Variants in CA5B observed in about 807,000 individuals in gnomAD.
CA5B encodes the protein carbonic anhydrase 5B.
In CA5B, 15 loss-of-function variants were observed where a neutral mutation model predicts 23.1. The ratio of observed to expected loss-of-function variants is 0.65; its 90% CI spans 0.43 to 1.00. The LOEUF (loss-of-function observed/expected upper bound fraction) is 1.00, where lower values mean the gene tolerates loss of function less well. Among genes scored for constraint, CA5B ranks in the 50% least tolerant of loss-of-function variants. The probability of loss-of-function intolerance (pLI) is 0.00; values close to 1 mark genes in which losing one functional copy is unlikely to be tolerated. For synonymous variants in CA5B, 84 were observed against 98.5 expected, an observed-to-expected ratio of 0.85 and a Z score of 0.87; for missense variants, 236 against 252.2, an observed-to-expected ratio of 0.94 and a Z score of 0.43.
chrX:15,748,212 C>A (rs1931277475), intron 1 of CA5B, among the ~76,000 whole-genome samples: 1 of 112,201 alleles, frequency 8.9e-6, no homozygotes, highest in Non-Finnish European at 1.9e-5. Context: ...TTGGAACATG[C>A]CTAGTCCTAT....
rs955656862 is a variant in CA5B at position 15,738,415 on chromosome X, G to C, written c.-54+63G>C. The stretch of plus-strand genomic sequence containing the variant: ...GGGACAGGCCGATCCAGACAGGGCC[G>C]TGATTCTTCCCACGACTCTCCGCTC... On this transcript the variant is annotated intron_variant, in intron 1 of 7. Transcript: ENST00000318636. 5 of 111,604 alleles carry C rather than the reference G, an allele frequency of 4.5e-5. No homozygotes were observed. In the Admixed American group the frequency reaches 4.7e-4, roughly 11 times the overall value. The allele number at this position is 111,604 out of a possible 1,213,427, so 9.2% of individuals were successfully genotyped here.
intron 2 of CA5B, among the ~76,000 whole-genome samples, chrX:15,752,503 A>T (rs953681806): frequency 1.4e-4 from 15 of 109,643 alleles, no homozygotes; most frequent in African/African-American, 5.0e-4. Flanking sequence ...AGGCGGGCGG[A>T]TCACAAGGTC....
chrX:15,747,454 G>T (rs1342099415), intron 1 of CA5B, among the ~76,000 whole-genome samples: 1 of 109,565 alleles, frequency 9.1e-6, no homozygotes, highest in African/African-American at 3.3e-5. Flanking sequence ...ATACAATGAG[G>T]GATAAGTTGA....
intron 2 of CA5B, among the ~76,000 whole-genome samples, chrX:15,754,089 A>G (rs767101614): frequency 1.8e-5 from 2 of 111,377 alleles, no homozygotes; most frequent in Non-Finnish European, 3.8e-5. Context: ...TTGTGCCTAA[A>G]CTCTAAAGGG....
chrX:15,767,380 T>G (rs868524424), intron 3 of CA5B, among the ~76,000 whole-genome samples: 6 of 111,410 alleles, frequency 5.4e-5, no homozygotes, highest in Middle Eastern at 9.1e-3. Flanking sequence ...TCCTCTCTTT[T>G]TCTTTTGAAC....
chrX:15,775,494 T>C (rs932068814), intron 6 of CA5B, 186 bp downstream of exon 6: 125 of 970,390 alleles, frequency 1.3e-4, no homozygotes, highest in Non-Finnish European at 1.4e-4. Context: ...GCAGTGAGCT[T>C]TCTGGTTTTG....
chrX:15,772,295 G>C (rs368585500), intron 3 of CA5B, among the ~76,000 whole-genome samples: 1 of 112,439 alleles, frequency 8.9e-6, no homozygotes, highest in East Asian at 2.8e-4. Flanking sequence ...TTGTTATGTA[G>C]TTAAATCTTG....
chrX:15,761,725 G>A (rs1461659823), intron 2 of CA5B, among the ~76,000 whole-genome samples: 1 of 110,882 alleles, frequency 9.0e-6, no homozygotes, highest in Non-Finnish European at 1.9e-5. Flanking sequence ...TCTTGTCGGG[G>A]GGAGCCCATC....
At chrX:15,753,454 G>C (rs1931420925) in intron 2 of CA5B, among the ~76,000 whole-genome samples, 1 of 112,212 alleles carries the variant, frequency 8.9e-6, no homozygotes, top group Non-Finnish European at 1.9e-5. Flanking sequence ...AGGCTTCAGA[G>C]AGATTAGATG....
At chrX:15,770,464 G>A (rs1931795980) in intron 3 of CA5B, among the ~76,000 whole-genome samples, 1 of 108,922 alleles carries the variant, frequency 9.2e-6, no homozygotes, top group South Asian at 3.9e-4. Context: ...CTTTTTTTCT[G>A]TAGAGACTGG....
In CA5B at chrX:15,785,978, C is replaced by G. The variant is rs1932109345; in HGVS notation, c.*3314C>G. 9.0e-6 allele frequency: 1 copy of G among 111,715 alleles called. No individual in the cohort carries two copies. The highest frequency in any genetic ancestry group is 9.5e-5 in the Admixed American group (1 of 10,498). 9.2% of individuals were successfully genotyped at this position (111,715 alleles called of 1,213,427 possible). A position where few individuals can be genotyped will look rare whatever the true frequency, so the allele number is the denominator to read the frequency against. On this transcript the variant is annotated 3_prime_UTR_variant, in exon 8 of 8. Transcript: ENST00000318636. ...CTCCGCCTCCCGGGTTCACGCCATTCTCCTGCCTCAGCCTCCTGAGTAGCT... is the reference window on the plus strand; with the variant it reads ...CTCCGCCTCCCGGGTTCACGCCATTGTCCTGCCTCAGCCTCCTGAGTAGCT...
At chrX:15,778,285 A>T (rs190151002) in intron 7 of CA5B, among the ~76,000 whole-genome samples, 6 of 112,171 alleles carry the variant, frequency 5.3e-5, no homozygotes, top group Admixed American at 3.8e-4. Context: ...ATGACAACCT[A>T]AGTTGTCATT....
chrX:15,765,560 A>G (rs1049945946), intron 3 of CA5B, among the ~76,000 whole-genome samples: 1 of 110,652 alleles, frequency 9.0e-6, no homozygotes, highest in African/African-American at 3.3e-5. Context: ...CAAAATAATT[A>G]TTATTTGGAA....
intron 2 of CA5B, among the ~76,000 whole-genome samples, chrX:15,759,651 A>G (rs137912981): frequency 0.021 from 2,339 of 109,890 alleles, 30 homozygotes; most frequent in Non-Finnish European, 0.032. Context: ...GACTACTCAT[A>G]TAAACAACTA....
Position 15,782,713 on chromosome X carries a change from C to T in CA5B, c.*49C>T, listed in dbSNP as rs1006450410. 5.2e-6 allele frequency: 5 copies of T among 955,268 alleles called. No homozygotes were observed. The Admixed American group carries it at 1.3e-4, about 24-fold the overall frequency. 78.7% of individuals were successfully genotyped at this position (955,268 alleles called of 1,213,427 possible). A position where few individuals can be genotyped will look rare whatever the true frequency, so the allele number is the denominator to read the frequency against. ...TTGCTTTTGCTTTAATATATACTAG[C>T]TTACTATAAATTGTTAACTAGACTA... is the stretch of plus-strand genomic sequence containing the variant. On this transcript the variant is annotated 3_prime_UTR_variant, in exon 8 of 8. Transcript: ENST00000318636.
At position 15,764,671 on chromosome X, in the gene CA5B, G is replaced by T; in HGVS notation, c.236G>T (p.Gly79Val). The T allele has an allele frequency of 2.5e-6, 3 of 1,201,298 alleles. No individual in the cohort carries two copies. Among genetic ancestry groups the T allele is most frequent in the Non-Finnish European group, 3.4e-6 (3 of 888,785 alleles). Residue 79 changes from glycine to valine, a missense_variant, in exon 3 of 8, where the codon GGC (glycine) becomes GTC (valine). This residue lies in a region of CA5B where 12 missense variants were observed against 43.6 expected (regional missense o/e 0.28). Coordinates refer to ENST00000318636, the MANE Select transcript of CA5B (RefSeq NM_007220.4). The stretch of plus-strand genomic sequence containing the variant: ...TGGAGGGACAGTGTTTATGATCCCG[G>T]CTTAAAACCACTGACCATCTCTTAT... ...IRWRDSVYDPGLKPLTISYDP... is the reference protein window; with the variant it reads ...IRWRDSVYDPVLKPLTISYDP...
chrX:15,752,365 T>C (rs1257664518), intron 2 of CA5B, among the ~76,000 whole-genome samples: 4 of 111,902 alleles, frequency 3.6e-5, no homozygotes, highest in Non-Finnish European at 7.5e-5. Flanking sequence ...CCCCAAAACA[T>C]GTTTCTTTGC....
At chrX:15,770,286 C>T (rs936039857) in intron 3 of CA5B, among the ~76,000 whole-genome samples, 1 of 110,117 alleles carries the variant, frequency 9.1e-6, no homozygotes, top group African/African-American at 3.3e-5. Flanking sequence ...TGCATTCCAG[C>T]CTGGGCAACA....
rs749984209 is a variant in CA5B at position 15,776,743 on chromosome X, CCCTT to C, written c.652_655del (p.Ser218AlafsTer2). On this transcript the variant is annotated frameshift_variant, in exon 7 of 8. Coordinates refer to ENST00000318636, the MANE Select transcript of CA5B (RefSeq NM_007220.4). LOFTEE classifies it high-confidence loss of function. ...CCCTTGTGGAATTTGGGTCATTTGA[CCCTT>C]CCTGCCTGATGCCTACCTGCCCAGA... 4 of 1,209,325 alleles carry C rather than the reference CCCTT, an allele frequency of 3.3e-6. No homozygotes were observed. Among genetic ancestry groups the C allele is most frequent in the Admixed American group, 4.3e-5 (2 of 46,029 alleles).
Sources: allele counts gnomAD v4.1 joint callset (sites outside exome capture counted in the v4.1 genomes callset), GRCh38; gene constraint gnomAD v4.1.1; regional missense constraint gnomAD v4.1.1; transcripts MANE v1.5; gene names NCBI Gene and HGNC (gene_info 2026-07-23, HGNC 2026-07-21).